NRG3: variants seen among roughly 807,000 people sequenced by gnomAD.
The protein encoded by NRG3 is neuregulin 3, also known as pro-neuregulin-3, membrane-bound isoform.
In NRG3, 31 loss-of-function variants were observed where a neutral mutation model predicts 66.9. The observed-to-expected ratio is 0.46, with a 90% CI of 0.35 to 0.63. The LOEUF (loss-of-function observed/expected upper bound fraction) is 0.63. NRG3 is among the 20% of genes least tolerant of loss of function. The pLI is 0.00. For missense variants in NRG3, 910 were observed against 878.9 expected (o/e 1.04, Z -0.45); for synonymous variants, 393 against 359.4 (o/e 1.09, Z -1.06).
chr10:82,979,643 G>A (rs900662519), intron 8 of NRG3, among the ~76,000 whole-genome samples: 2 of 152,098 alleles, frequency 1.3e-5, no homozygotes, highest in Non-Finnish European at 2.9e-5. Flanking sequence ...GTAGACGGGT[G>A]GGCTTTGGAC....
At chr10:82,725,902 A>C (rs2820096) in intron 2 of NRG3, among the ~76,000 whole-genome samples, 132,514 of 152,116 alleles carry the variant, frequency 0.87, 57,870 homozygotes, top group African/African-American at 0.92. Flanking sequence ...CTGCCCCTAC[A>C]CTGCTATTCA....
chr10:82,132,518 TATATATG>T (rs1474401221), intron 1 of NRG3, among the ~76,000 whole-genome samples: 3 of 13,138 alleles, frequency 2.3e-4, no homozygotes, highest in African/African-American at 1.2e-3. Flanking sequence ...ATATATATGA[TATATATG>T]ATATATATAT....
At chr10:82,257,877 ATTGGAGTTAGG>A (rs2077816424) in intron 1 of NRG3, among the ~76,000 whole-genome samples, 2 of 152,218 alleles carry the variant, frequency 1.3e-5, no homozygotes, top group Non-Finnish European at 2.9e-5. Context: ...TATGGAATGA[ATTGGAGTTAGG>A]TAAATCTAAG....
chr10:82,634,537 A>G (rs1037653311), intron 2 of NRG3, among the ~76,000 whole-genome samples: 7 of 152,190 alleles, frequency 4.6e-5, no homozygotes, highest in Non-Finnish European at 7.3e-5. Context: ...AGTTTGTTCA[A>G]TATTTTTAGA....
At chr10:82,730,101 T>A (rs1045528527) in intron 2 of NRG3, among the ~76,000 whole-genome samples, 2 of 150,686 alleles carry the variant, frequency 1.3e-5, no homozygotes, top group African/African-American at 4.9e-5. Context: ...TTTTTTTTTT[T>A]TTGAGACGGA....
chr10:81,892,998 G>A (rs947201211), intron 1 of NRG3, among the ~76,000 whole-genome samples: 7 of 152,056 alleles, frequency 4.6e-5, no homozygotes, highest in African/African-American at 1.4e-4. Context: ...TCTGAGCTGC[G>A]ACAGTCAGTG....
At chr10:82,363,954 T>C (rs2084353348) in intron 2 of NRG3, among the ~76,000 whole-genome samples, 1 of 152,134 alleles carries the variant, frequency 6.6e-6, no homozygotes, top group South Asian at 2.1e-4. Flanking sequence ...AAAAATGTAA[T>C]ATGAAATTGC....
intron 3 of NRG3, among the ~76,000 whole-genome samples, chr10:82,791,404 C>T (rs2060582220): frequency 6.6e-6 from 1 of 151,724 alleles, no homozygotes; most frequent in Admixed American, 6.6e-5. Flanking sequence ...TTTCCATTAA[C>T]TTAGTGGTCC....
At chr10:82,216,382 A>G (rs1035827275) in intron 1 of NRG3, among the ~76,000 whole-genome samples, 1 of 152,034 alleles carries the variant, frequency 6.6e-6, no homozygotes, top group African/African-American at 2.4e-5. Flanking sequence ...GCAATTTGAT[A>G]TATACTCTGG....
At chr10:82,347,977 G>T (rs1205719930) in intron 1 of NRG3, among the ~76,000 whole-genome samples, 4 of 151,686 alleles carry the variant, frequency 2.6e-5, no homozygotes, top group Admixed American at 6.6e-5. Flanking sequence ...ATGTGAGATG[G>T]GTTTCCTGAA....
chr10:82,274,144 A>G (rs1406444214), intron 1 of NRG3, among the ~76,000 whole-genome samples: 1 of 152,098 alleles, frequency 6.6e-6, no homozygotes. Context: ...TTAAAATTAA[A>G]AAAATCATTT....
At chr10:82,491,188 T>A (rs1308121150) in intron 2 of NRG3, among the ~76,000 whole-genome samples, 1 of 151,130 alleles carries the variant, frequency 6.6e-6, no homozygotes, top group Non-Finnish European at 1.5e-5. Flanking sequence ...CAAGTCTTTG[T>A]CCATGTTTTA....
chr10:82,168,576 T>C (rs2072295047), intron 1 of NRG3, among the ~76,000 whole-genome samples: 1 of 152,172 alleles, frequency 6.6e-6, no homozygotes, highest in Non-Finnish European at 1.5e-5. Context: ...AGAATAGTGA[T>C]CATGGTTGAC....
chr10:82,700,514 C>T (rs980115518), intron 2 of NRG3, among the ~76,000 whole-genome samples: 1 of 152,084 alleles, frequency 6.6e-6, no homozygotes, highest in Non-Finnish European at 1.5e-5. Flanking sequence ...TTTGACAGAG[C>T]CTGTTGAGAA....
At chr10:82,460,316 C>T (rs1465093279) in intron 2 of NRG3, among the ~76,000 whole-genome samples, 2 of 152,108 alleles carry the variant, frequency 1.3e-5, no homozygotes, top group African/African-American at 2.4e-5. Flanking sequence ...TTCCCTTAGG[C>T]AAATTTTAAC....
rs146403336 is a variant in NRG3 at position 82,151,380 on chromosome 10, C to A, written c.824-207359C>A. Among the ~76,000 whole-genome samples, 183 of 152,292 alleles carry A rather than the reference C, an allele frequency of 1.2e-3. 1 individual carries two copies. Among genetic ancestry groups the A allele is most frequent in the Non-Finnish European group, 2.0e-3 (138 of 68,018 alleles). On this transcript the variant is annotated intron_variant, in intron 1 of 8. Transcript: ENST00000372141. ...AAAGAAAAGATGCCTGTTTTCTAAT[C>A]ATTGAAATCTTATTATGTACAGAAA...
chr10:82,234,293 TTAAA>T (rs1156980734), intron 1 of NRG3, among the ~76,000 whole-genome samples: 3 of 152,226 alleles, frequency 2.0e-5, no homozygotes, highest in African/African-American at 7.2e-5. Context: ...GGAAATGTAA[TTAAA>T]TAAAGATCTC....
intron 1 of NRG3, among the ~76,000 whole-genome samples, chr10:82,173,205 G>A (rs2072765546): frequency 6.6e-6 from 1 of 152,064 alleles, no homozygotes; most frequent in Non-Finnish European, 1.5e-5. Flanking sequence ...TAGTGAAATA[G>A]GCTGTAAAAG....
At chr10:81,918,248 C>T (rs1476883088) in intron 1 of NRG3, among the ~76,000 whole-genome samples, 1 of 152,128 alleles carries the variant, frequency 6.6e-6, no homozygotes, top group Non-Finnish European at 1.5e-5. Flanking sequence ...TAAGCTGGCT[C>T]ATGCATTTGT....
Sources: gnomAD v4.1 joint callset for allele counts (sites outside exome capture counted in the v4.1 genomes callset) on GRCh38, gnomAD v4.1.1 for gene constraint, MANE v1.5 for transcripts, NCBI Gene and HGNC (gene_info 2026-07-23, HGNC 2026-07-21) for gene names.